The following ADAMTS6 variants were observed in gnomAD, a reference collection of about 807,000 sequenced individuals.
The protein encoded by ADAMTS6 is A disintegrin and metalloproteinase with thrombospondin motifs 6.
In ADAMTS6, 23 loss-of-function variants were observed where a neutral mutation model predicts 144.3. The observed-to-expected ratio is 0.16, with a 90% CI of 0.11 to 0.23. The LOEUF (loss-of-function observed/expected upper bound fraction) is 0.23. ADAMTS6 is among the 10% of genes least tolerant of loss of function. ADAMTS6 has a pLI of 1.00. For synonymous variants in ADAMTS6, 444 were observed against 457.5 expected (o/e 0.97, Z 0.38); for missense variants, 999 against 1,379.6 (o/e 0.72, Z 4.37).
In ADAMTS6 at chr5:65,300,160, A is replaced by C. The variant is rs199696589; in HGVS notation, c.1224-29T>G. The stretch of plus-strand genomic sequence containing the variant: ...TTTTAATGAGGAAGAAACATAGAAT[A>C]AATAAATAAGAAAAAAACCCCAACA... On this transcript the variant is annotated intron_variant, in intron 9 of 24. Transcript: ENST00000381055. 4.7e-4 allele frequency: 757 copies of C among 1,596,772 alleles called. 11 individuals carry two copies. In the Middle Eastern group the frequency reaches 9.4e-3, roughly 20 times the overall value.
rs78132452 is a variant in ADAMTS6, at chr5:65,259,203, G to GTA, written c.1830+1395_1830+1396dup. On this transcript the variant is annotated intron_variant, in intron 14 of 24. Coordinates refer to ENST00000381055, the MANE Select transcript of ADAMTS6 (RefSeq NM_197941.4). ...GAAACCCCAGTCTCTACTAAAAAGT[G>GTA]TATATATATATATATATAAAATTAG... Among the ~76,000 whole-genome samples, 645 of 147,592 alleles carry GTA rather than the reference G, an allele frequency of 4.4e-3. 2 individuals are homozygous for GTA. The highest frequency in any genetic ancestry group is 0.015 in the East Asian group (78 of 5,046).
chr5:65,451,432 T>C (rs1016133351), intron 7 of ADAMTS6, 43 bp downstream of exon 7: 1 of 1,610,384 alleles, frequency 6.2e-7, no homozygotes, highest in Admixed American at 1.7e-5. Context: ...CAATAGTGAA[T>C]AAACACAACA....
At chr5:65,334,014 A>AAC in intron 8 of ADAMTS6, 28 bp downstream of exon 8, 4 of 1,407,462 alleles carry the variant, frequency 2.8e-6, no homozygotes, top group Admixed American at 3.0e-5. Flanking sequence ...AAAAAAAAAA[A>AAC]AAAAAAAAAA....
intron 7 of ADAMTS6, among the ~76,000 whole-genome samples, chr5:65,358,659 G>A (rs1439203574): frequency 6.6e-6 from 1 of 152,004 alleles, no homozygotes; most frequent in Non-Finnish European, 1.5e-5. Flanking sequence ...AAACACCATG[G>A]TACTGACACA....
intron 7 of ADAMTS6, among the ~76,000 whole-genome samples, chr5:65,376,185 G>T (rs962723570): frequency 1.3e-5 from 2 of 151,968 alleles, no homozygotes; most frequent in South Asian, 4.2e-4. Flanking sequence ...TGGGTGCAGC[G>T]CACCAGCATG....
intron 7 of ADAMTS6, among the ~76,000 whole-genome samples, chr5:65,385,008 C>G (rs1752375413): frequency 6.6e-6 from 1 of 152,176 alleles, no homozygotes; most frequent in South Asian, 2.1e-4. Flanking sequence ...AAGGGGCTAA[C>G]AAGCTCCCTC....
chr5:65,413,922 A>T (rs886388683), intron 7 of ADAMTS6, among the ~76,000 whole-genome samples: 1 of 152,270 alleles, frequency 6.6e-6, no homozygotes, highest in East Asian at 1.9e-4. Flanking sequence ...TTCAGGACAC[A>T]TTGCTCCAAA....
At chr5:65,312,772 T>A (rs1744622906) in intron 9 of ADAMTS6, among the ~76,000 whole-genome samples, 1 of 152,006 alleles carries the variant, frequency 6.6e-6, no homozygotes, top group South Asian at 2.1e-4. Flanking sequence ...CTTTACACAT[T>A]TTTCTTTTCA....
chr5:65,406,652 C>T (rs2131590), intron 7 of ADAMTS6, among the ~76,000 whole-genome samples: 4,313 of 152,156 alleles, frequency 0.028, 212 homozygotes, highest in African/African-American at 0.097. Context: ...CACGATGATA[C>T]TGGCCTCATA....
At chr5:65,426,213 ATT>A (rs150746408) in intron 7 of ADAMTS6, among the ~76,000 whole-genome samples, 333 of 140,166 alleles carry the variant, frequency 2.4e-3, no homozygotes, top group African/African-American at 4.0e-3. Context: ...TGCCTGGCTA[ATT>A]TTTTTTTTTT....
rs1025125882 is a variant in ADAMTS6 at position 65,458,670 on chromosome 5, A to G, written c.631+1500T>C. Among the ~76,000 whole-genome samples, 3 of 152,304 alleles carry G rather than the reference A, an allele frequency of 2.0e-5. No individual in the cohort carries two copies. In the South Asian group the frequency reaches 6.2e-4, roughly 32 times the overall value. ...TGTGATCTGCCTGCCTCGGCCTCCC[A>G]AAGTGCTGGGATTACAGGCGTGAGC... On this transcript the variant is annotated intron_variant, in intron 4 of 24. Coordinates refer to ENST00000381055, the MANE Select transcript of ADAMTS6 (RefSeq NM_197941.4).
rs1215109345 is a variant in ADAMTS6, at chr5:65,244,781, T to G, written c.1831-2575A>C. ...TACTTTCACGATAAGTGTGGGAGTC[T>G]CCTCTGGACACTCTCCAAATGCTAC... On this transcript the variant is annotated intron_variant, in intron 14 of 24. Transcript: ENST00000381055. Among the ~76,000 whole-genome samples the G allele has an allele frequency of 2.0e-5, 3 of 152,158 alleles. No individual in the cohort carries two copies. In the East Asian group the frequency reaches 5.8e-4, roughly 29 times the overall value.
chr5:65,277,516 CAA>C (rs1336376649), intron 11 of ADAMTS6, among the ~76,000 whole-genome samples: 1 of 151,784 alleles, frequency 6.6e-6, no homozygotes, highest in East Asian at 1.9e-4. Context: ...CTCGGCCTTC[CAA>C]AGTGTTGGGA....
chr5:65,216,210 T>C (rs1368513799), intron 18 of ADAMTS6, among the ~76,000 whole-genome samples: 1 of 152,078 alleles, frequency 6.6e-6, no homozygotes, highest in African/African-American at 2.4e-5. Flanking sequence ...GATGAATAAA[T>C]AAACAAATTG....
chr5:65,386,967 G>A (rs2150142414), intron 7 of ADAMTS6, among the ~76,000 whole-genome samples: 1 of 152,244 alleles, frequency 6.6e-6, no homozygotes, highest in East Asian at 1.9e-4. Context: ...AATGATTATT[G>A]AAAAACAAAG....
chr5:65,272,164 A>C (rs1323401072), intron 12 of ADAMTS6, among the ~76,000 whole-genome samples: 1 of 152,234 alleles, frequency 6.6e-6, no homozygotes, highest in African/African-American at 2.4e-5. Context: ...GCTGAAACTC[A>C]GCATAATCCT....
At chr5:65,244,927 G>A (rs932374113) in intron 14 of ADAMTS6, among the ~76,000 whole-genome samples, 13 of 152,068 alleles carry the variant, frequency 8.5e-5, no homozygotes, top group African/African-American at 2.2e-4. Flanking sequence ...TCCAAATTAC[G>A]TTTTTTCTCA....
chr5:65,366,155 C>T (rs1750291166), intron 7 of ADAMTS6, among the ~76,000 whole-genome samples: 1 of 152,102 alleles, frequency 6.6e-6, no homozygotes, highest in Admixed American at 6.6e-5. Flanking sequence ...GAAGCAAACA[C>T]ACCTAACCTG....
At chr5:65,308,462 ACTGG>A (rs1744156661) in intron 9 of ADAMTS6, among the ~76,000 whole-genome samples, 1 of 152,018 alleles carries the variant, frequency 6.6e-6, no homozygotes, top group Non-Finnish European at 1.5e-5. Flanking sequence ...TGAACTGGAA[ACTGG>A]CTGGTAATCA....
Sources: allele counts gnomAD v4.1 joint callset (sites outside exome capture counted in the v4.1 genomes callset), GRCh38; gene constraint gnomAD v4.1.1; transcripts MANE v1.5; gene names NCBI Gene and HGNC (gene_info 2026-07-23, HGNC 2026-07-21).